Variants in RNGTT observed in about 807,000 individuals in gnomAD.
RNGTT encodes mRNA-capping enzyme.
In RNGTT, 33 loss-of-function variants were observed where a neutral mutation model predicts 79.3. That is an observed-to-expected ratio of 0.42 (90% CI 0.32 to 0.56). The LOEUF (loss-of-function observed/expected upper bound fraction) is 0.56, where lower values mean the gene tolerates loss of function less well. Ranked by LOEUF, RNGTT falls within the 20% of genes least tolerant of loss-of-function variation. RNGTT has a pLI of 0.17. For synonymous variants in RNGTT, 222 were observed against 235.9 expected (o/e 0.94, Z 0.54); for missense variants, 497 against 739.1 (o/e 0.67, Z 3.80).
At chr6:88,618,727 T>C (rs372384949) in intron 14 of RNGTT, among the ~76,000 whole-genome samples, 2 of 152,208 alleles carry the variant, frequency 1.3e-5, no homozygotes, top group Non-Finnish European at 2.9e-5. Context: ...TTTTATACTA[T>C]TTGAATCTAT....
At chr6:88,698,224 T>TG (rs1775794559) in intron 13 of RNGTT, among the ~76,000 whole-genome samples, 2 of 77,580 alleles carry the variant, frequency 2.6e-5, no homozygotes, top group Non-Finnish European at 4.1e-5. Context: ...ATATATATCA[T>TG]ATATATATGA....
At chr6:88,741,551 A>G (rs1777493147) in intron 13 of RNGTT, among the ~76,000 whole-genome samples, 1 of 152,186 alleles carries the variant, frequency 6.6e-6, no homozygotes, top group Non-Finnish European at 1.5e-5. Context: ...ACCCCATGTT[A>G]CAAACCTGCA....
intron 1 of RNGTT, among the ~76,000 whole-genome samples, chr6:88,952,466 T>G (rs1041172234): frequency 5.9e-5 from 9 of 152,240 alleles, no homozygotes; most frequent in African/African-American, 2.2e-4. Flanking sequence ...CCACAGCTAG[T>G]GCTCTCTTGA....
chr6:88,636,186 A>G (rs1251159208), intron 14 of RNGTT, among the ~76,000 whole-genome samples: 1 of 152,112 alleles, frequency 6.6e-6, no homozygotes, highest in East Asian at 1.9e-4. Flanking sequence ...CTGGAACTTC[A>G]TTGGAAAGCT....
At chr6:88,963,218 G>A in intron 1 of RNGTT, 128 bp downstream of exon 1, 4 of 889,952 alleles carry the variant, frequency 4.5e-6, no homozygotes, top group Non-Finnish European at 6.9e-6. Context: ...AGCGTAATCC[G>A]ACGGAGCATA....
At chr6:88,715,681 T>C (rs1416559908) in intron 13 of RNGTT, among the ~76,000 whole-genome samples, 2 of 152,142 alleles carry the variant, frequency 1.3e-5, no homozygotes, top group Non-Finnish European at 2.9e-5. Context: ...AACCATCTGA[T>C]CTTTCACAAA....
At chr6:88,874,954 C>T (rs1457385117) in intron 8 of RNGTT, among the ~76,000 whole-genome samples, 1 of 151,964 alleles carries the variant, frequency 6.6e-6, no homozygotes, top group Non-Finnish European at 1.5e-5. Flanking sequence ...TGGTACTATA[C>T]ATAGTTTTGT....
chr6:88,690,938 C>CTAT (rs1775455609), intron 13 of RNGTT, among the ~76,000 whole-genome samples: 1 of 152,008 alleles, frequency 6.6e-6, no homozygotes, highest in African/African-American at 2.4e-5. Flanking sequence ...CCATCAAGTG[C>CTAT]CTATATATAA....
chr6:88,818,726 T>C (rs1780406375), intron 11 of RNGTT, among the ~76,000 whole-genome samples: 1 of 152,246 alleles, frequency 6.6e-6, no homozygotes, highest in African/African-American at 2.4e-5. Context: ...TGTTTTGTAA[T>C]TGTGCTGCAA....
At chr6:88,614,180 A>C (rs1407160239) in intron 15 of RNGTT, 92 bp downstream of exon 15, 15 of 1,242,646 alleles carry the variant, frequency 1.2e-5, no homozygotes, top group Non-Finnish European at 1.6e-5. Flanking sequence ...ACTATGCCCC[A>C]TTAAGCAAAA....
At chr6:88,892,727 A>G (rs1364635750) in intron 6 of RNGTT, among the ~76,000 whole-genome samples, 1 of 152,100 alleles carries the variant, frequency 6.6e-6, no homozygotes, top group Non-Finnish European at 1.5e-5. Context: ...AGAAAAATCT[A>G]TAAAACAATT....
intron 5 of RNGTT, 30 bp downstream of exon 5, chr6:88,906,335 A>G: frequency 7.1e-7 from 1 of 1,411,930 alleles, no homozygotes; most frequent in East Asian, 2.3e-5. Context: ...ATTACAAAAT[A>G]CATCTTCCAT....
chr6:88,755,959 CAAA>C lies in RNGTT; in HGVS notation c.1439+13812_1439+13814del, dbSNP rs1157096180. On this transcript the variant is annotated intron_variant, in intron 13 of 15. Coordinates refer to ENST00000369485, the MANE Select transcript of RNGTT (RefSeq NM_003800.5). ...TGGCCAACAGAGTGAGACTCCGTCT[CAAA>C]AAAAAAAAAAAAAAAAAAAAAAGAA... Among the ~76,000 whole-genome samples, 88 of 30,482 alleles carry C rather than the reference CAAA, an allele frequency of 2.9e-3. 1 individual carries two copies. Among genetic ancestry groups the C allele is most frequent in the African/African-American group, 8.5e-3 (82 of 9,686 alleles). 20.0% of individuals were successfully genotyped at this position (30,482 alleles called of 152,430 possible). A position where few individuals can be genotyped will look rare whatever the true frequency, so the allele number is the denominator to read the frequency against.
At chr6:88,666,261 G>GA (rs1182417461) in intron 14 of RNGTT, among the ~76,000 whole-genome samples, 5 of 152,072 alleles carry the variant, frequency 3.3e-5, no homozygotes, top group South Asian at 2.1e-4. Flanking sequence ...GTGTCAGAAA[G>GA]AAAAAAAATA....
intron 13 of RNGTT, among the ~76,000 whole-genome samples, chr6:88,699,413 G>T (rs1057316512): frequency 6.6e-6 from 1 of 152,020 alleles, no homozygotes; most frequent in Non-Finnish European, 1.5e-5. Context: ...AATTTTTCAC[G>T]GTGGCTCATG....
intron 14 of RNGTT, among the ~76,000 whole-genome samples, chr6:88,636,571 C>T (rs1773106794): frequency 6.6e-6 from 1 of 150,856 alleles, no homozygotes; most frequent in Non-Finnish European, 1.5e-5. Context: ...TTTCACCTTT[C>T]TTTTATAGAT....
intron 14 of RNGTT, among the ~76,000 whole-genome samples, chr6:88,641,443 G>C (rs936384548): frequency 6.6e-6 from 1 of 151,984 alleles, no homozygotes; most frequent in Non-Finnish European, 1.5e-5. Flanking sequence ...CCGTGCTGTA[G>C]AGACAAGCAA....
rs149564945 is a variant in RNGTT at position 88,874,014 on chromosome 6, A to G, written c.896+16481T>C. On this transcript the variant is annotated intron_variant, in intron 8 of 15. Transcript: ENST00000369485. ...TACTAGTAAATAAATCTCATGAATC[A>G]ACCAGTTCTGTATATAAGAAGCCTC... Among the ~76,000 whole-genome samples the G allele has an allele frequency of 1.9e-3, 285 of 152,252 alleles. 1 individual carries two copies. Among genetic ancestry groups the G allele is most frequent in the Middle Eastern group, 6.8e-3 (2 of 294 alleles).
intron 8 of RNGTT, among the ~76,000 whole-genome samples, chr6:88,890,166 T>C (rs1221133588): frequency 6.6e-6 from 1 of 151,968 alleles, no homozygotes; most frequent in Non-Finnish European, 1.5e-5. Context: ...CCTCAACATG[T>C]CCAATATCAT....
Sources: allele counts gnomAD v4.1 joint callset (sites outside exome capture counted in the v4.1 genomes callset), GRCh38; gene constraint gnomAD v4.1.1; transcripts MANE v1.5; gene names NCBI Gene and HGNC (gene_info 2026-07-23, HGNC 2026-07-21).